AXDND1: variants seen among roughly 807,000 people sequenced by gnomAD.
AXDND1 encodes axonemal dynein light chain domain-containing protein 1.
Under a neutral mutation model 137.5 loss-of-function variants are expected in AXDND1, and 110 were observed. That is an observed-to-expected ratio of 0.80 (90% CI 0.69 to 0.94). The LOEUF is 0.94. Among genes scored for constraint, AXDND1 ranks in the 40% least tolerant of loss-of-function variants. The pLI is 0.00. For synonymous variants in AXDND1, 414 were observed against 399.7 expected (o/e 1.04, Z -0.43); for missense variants, 1,191 against 1,169.8 (o/e 1.02, Z -0.26).
chr1:179,430,239 G>GA (rs1030519486), intron 13 of AXDND1, among the ~76,000 whole-genome samples: 6 of 150,014 alleles, frequency 4.0e-5, no homozygotes, highest in African/African-American at 7.4e-5. Context: ...TGTTGCAAAG[G>GA]AAAAAAAAAT....
chr1:179,367,795 A>G (rs1055428648), intron 2 of AXDND1, among the ~76,000 whole-genome samples: 1 of 152,224 alleles, frequency 6.6e-6, no homozygotes, highest in Admixed American at 6.5e-5. Flanking sequence ...TCAATTTAGT[A>G]CAATGTGCCA....
At chr1:179,368,382 A>T (rs1667684388) in intron 2 of AXDND1, among the ~76,000 whole-genome samples, 1 of 152,216 alleles carries the variant, frequency 6.6e-6, no homozygotes, top group African/African-American at 2.4e-5. Context: ...TCACCTTTGA[A>T]TTCATGTAAG....
chr1:179,384,627 C>A (rs757325282), intron 8 of AXDND1, among the ~76,000 whole-genome samples: 2 of 152,104 alleles, frequency 1.3e-5, no homozygotes, highest in Non-Finnish European at 2.9e-5. Context: ...GAACACAAGC[C>A]AGTTACTCTG....
At chr1:179,498,763 C>A (rs1386916175) in intron 20 of AXDND1, among the ~76,000 whole-genome samples, 2 of 151,932 alleles carry the variant, frequency 1.3e-5, no homozygotes, top group African/African-American at 4.8e-5. Flanking sequence ...TAAAAATGGG[C>A]AAAGGATATG....
chr1:179,420,772 G>A (rs183915453), intron 12 of AXDND1, among the ~76,000 whole-genome samples: 30 of 151,540 alleles, frequency 2.0e-4, no homozygotes, highest in Admixed American at 1.3e-3. Context: ...ACAGGTGCCC[G>A]CCACCACACC....
chr1:179,534,856 A>G lies in AXDND1; in HGVS notation c.2925A>G (p.Lys975=), dbSNP rs977999979. The G allele has an allele frequency of 1.2e-6, 2 of 1,611,594 alleles. No individual in the cohort carries two copies. Among genetic ancestry groups the G allele is most frequent in the Non-Finnish European group, 1.7e-6 (2 of 1,179,510 alleles). ...ELVMTSRKES[K]EEKENQDERE... ...TCATGACATCAAGAAAGGAGTCTAA[A>G]GAAGAGAAAGAAAATCAAGATGAAA... is the stretch of plus-strand genomic sequence containing the variant. The change falls in exon 25 of 26, where the codon AAA becomes AAG. Residue 975 remains lysine, a synonymous_variant. Transcript: ENST00000367618.
chr1:179,465,562 G>C (rs1025123027), intron 16 of AXDND1, among the ~76,000 whole-genome samples: 1 of 152,192 alleles, frequency 6.6e-6, no homozygotes, highest in Non-Finnish European at 1.5e-5. Flanking sequence ...TAGGCTACTC[G>C]GGGGTCATGG....
intron 2 of AXDND1, among the ~76,000 whole-genome samples, chr1:179,367,514 A>G (rs912294684): frequency 6.6e-6 from 1 of 151,056 alleles, no homozygotes; most frequent in African/African-American, 2.4e-5. Context: ...ACTCCGTCTC[A>G]AATCACGAGG....
At chr1:179,436,747 G>A (rs1423750190) in intron 15 of AXDND1, among the ~76,000 whole-genome samples, 1 of 151,916 alleles carries the variant, frequency 6.6e-6, no homozygotes, top group Non-Finnish European at 1.5e-5. Flanking sequence ...ATGCATGCTT[G>A]GCTTAAAACC....
intron 4 of AXDND1, among the ~76,000 whole-genome samples, chr1:179,370,713 C>T (rs767086755): frequency 1.8e-4 from 27 of 152,312 alleles, no homozygotes; most frequent in Admixed American, 9.2e-4. Context: ...TCCATGCATG[C>T]GCCCTCACTT....
intron 16 of AXDND1, chr1:179,455,593 C>CAAAAAAAAAAAAAA (rs57868830): frequency 4.8e-5 from 4 of 83,878 alleles, no homozygotes; most frequent in African/African-American, 8.6e-5. Flanking sequence ...GACTCCGTCT[C>CAAAAAAAAAAAAAA]AAAAAAAAAA....
At chr1:179,506,415 A>C (rs2125631208) in intron 20 of AXDND1, among the ~76,000 whole-genome samples, 1 of 152,296 alleles carries the variant, frequency 6.6e-6, no homozygotes, top group Non-Finnish European at 1.5e-5. Context: ...CGCTCTTCAA[A>C]CTTGACTTCC....
At chr1:179,374,139 AC>A (rs1432894315) in intron 4 of AXDND1, among the ~76,000 whole-genome samples, 4 of 152,336 alleles carry the variant, frequency 2.6e-5, no homozygotes, top group African/African-American at 9.6e-5. Context: ...CAAGAAAAAA[AC>A]AACCCCTTCA....
At chr1:179,551,312 A>G in intron 25 of AXDND1, 1 of 1,614,162 alleles carries the variant, frequency 6.2e-7, no homozygotes, top group South Asian at 1.1e-5. Context: ...AGGTAAAACC[A>G]CAGTGGAAGG....
chr1:179,386,252 G>C (rs1165044141), intron 9 of AXDND1, among the ~76,000 whole-genome samples: 3 of 152,024 alleles, frequency 2.0e-5, no homozygotes, highest in African/African-American at 4.8e-5. Context: ...GTTTCACCAT[G>C]TTGGTCAGGC....
At chr1:179,508,743 A>C (rs748141534) in intron 20 of AXDND1, among the ~76,000 whole-genome samples, 1 of 152,008 alleles carries the variant, frequency 6.6e-6, no homozygotes, top group African/African-American at 2.4e-5. Context: ...AGCACAGACC[A>C]CATAGATTAG....
intron 12 of AXDND1, among the ~76,000 whole-genome samples, chr1:179,417,988 T>A (rs1473045142): frequency 1.3e-5 from 2 of 150,800 alleles, no homozygotes; most frequent in Non-Finnish European, 3.0e-5. Flanking sequence ...ATTTTTATTT[T>A]ATTTATTTAT....
Position 179,528,336 on chromosome 1 carries a change from A to C in AXDND1, c.2620A>C (p.Thr874Pro). 1 of 1,612,894 alleles carries C rather than the reference A, an allele frequency of 6.2e-7. No homozygotes were observed. Among genetic ancestry groups the C allele is most frequent in the Non-Finnish European group, 8.5e-7 (1 of 1,178,922 alleles). Residue 874 changes from threonine (T) to proline (P), a missense_variant, in exon 23 of 26, where the codon ACA (threonine) becomes CCA (proline). Transcript: ENST00000367618. ...TGTTTCTGTGTTCTAGCAACCTTCA[A>C]CATCTACAGAGAAGGAAAAACTCAT... is the stretch of plus-strand genomic sequence containing the variant. ...NKERAEEQPSTSTEKEKLIRF... is the reference protein window; with the variant it reads ...NKERAEEQPSPSTEKEKLIRF...
At chr1:179,524,659 A>G (rs922087023) in intron 21 of AXDND1, among the ~76,000 whole-genome samples, 2 of 152,098 alleles carry the variant, frequency 1.3e-5, no homozygotes, top group African/African-American at 4.8e-5. Flanking sequence ...CCATCCAGTC[A>G]ATCACTAGGA....
Sources: gnomAD v4.1 joint callset for allele counts (sites outside exome capture counted in the v4.1 genomes callset) on GRCh38, gnomAD v4.1.1 for gene constraint, MANE v1.5 for transcripts, NCBI Gene and HGNC (gene_info 2026-07-23, HGNC 2026-07-21) for gene names.